Variants in CACHD1 observed in about 807,000 individuals in gnomAD.
CACHD1 encodes the protein VWFA and cache domain-containing protein 1.
Under a neutral mutation model 138.7 loss-of-function variants are expected in CACHD1, and 71 were observed. That is an observed-to-expected ratio of 0.51 (90% CI 0.42 to 0.62). The LOEUF (loss-of-function observed/expected upper bound fraction) is 0.62. CACHD1 is among the 20% of genes least tolerant of loss of function. The pLI, the probability that CACHD1 is intolerant of heterozygous loss-of-function variation, is 0.00. For synonymous variants in CACHD1, 578 were observed against 591.5 expected, an observed-to-expected ratio of 0.98 and a Z score of 0.33; for missense variants, 1,389 against 1,625.3, an observed-to-expected ratio of 0.85 and a Z score of 2.50.
intron 1 of CACHD1, among the ~76,000 whole-genome samples, chr1:64,472,926 C>G (rs1324937026): frequency 1.3e-5 from 2 of 150,822 alleles, no homozygotes; most frequent in Non-Finnish European, 3.0e-5. Context: ...AGCCATTTTA[C>G]TGTTTCTCAC....
intron 2 of CACHD1, among the ~76,000 whole-genome samples, chr1:64,555,507 C>G (rs1646790742): frequency 6.6e-6 from 1 of 152,180 alleles, no homozygotes; most frequent in African/African-American, 2.4e-5. Context: ...GCAACCTCCG[C>G]CTCCTGGGTT....
chr1:64,675,825 C>G (rs1649966180), intron 20 of CACHD1, 72 bp from the exon 21 acceptor site: 1 of 1,013,288 alleles, frequency 9.9e-7, no homozygotes, highest in African/African-American at 1.6e-5. Context: ...CATTATTTTG[C>G]TTCCCCAGCA....
chr1:64,483,864 T>TCCC (rs11297820), intron 1 of CACHD1, among the ~76,000 whole-genome samples: 2 of 130,536 alleles, frequency 1.5e-5, no homozygotes, highest in African/African-American at 6.5e-5. Flanking sequence ...TCTTTTACCT[T>TCCC]CCCCCCCCCC....
chr1:64,612,331 A>C (rs1051019899), intron 4 of CACHD1, among the ~76,000 whole-genome samples: 9 of 152,184 alleles, frequency 5.9e-5, no homozygotes, highest in African/African-American at 1.7e-4. Context: ...TACCTTTTCT[A>C]TCATACTGTG....
At chr1:64,545,400 C>T (rs921893247) in intron 1 of CACHD1, among the ~76,000 whole-genome samples, 14 of 152,150 alleles carry the variant, frequency 9.2e-5, no homozygotes, top group Non-Finnish European at 1.6e-4. Context: ...AACCACTATC[C>T]TGACTTTTAA....
At chr1:64,639,763 T>A (rs1290697544) in intron 7 of CACHD1, among the ~76,000 whole-genome samples, 2 of 152,254 alleles carry the variant, frequency 1.3e-5, no homozygotes, top group Non-Finnish European at 2.9e-5. Context: ...GCTATATTCA[T>A]TAACTATTGC....
chr1:64,626,480 G>A lies in CACHD1; in HGVS notation c.518-2875G>A, dbSNP rs72914244. On this transcript the variant is annotated intron_variant, in intron 4 of 26. Coordinates refer to ENST00000651257, the MANE Select transcript of CACHD1 (RefSeq NM_020925.4). ...AAGGAGTTGAATATATTGTCACTCC[G>A]CACTCTACATCATATGTAGATGGCA... Among the ~76,000 whole-genome samples, 714 of 152,232 alleles carry A rather than the reference G, an allele frequency of 4.7e-3. 3 individuals carry two copies. Among genetic ancestry groups the A allele is most frequent in the South Asian group, 7.7e-3 (37 of 4,826 alleles).
intron 5 of CACHD1, among the ~76,000 whole-genome samples, chr1:64,629,807 A>G (rs528664689): frequency 1.3e-5 from 2 of 152,282 alleles, no homozygotes; most frequent in Admixed American, 1.3e-4. Flanking sequence ...TACCTTATCT[A>G]TAGTGCAGCC....
At chr1:64,599,916 T>C (rs1647196638) in intron 3 of CACHD1, among the ~76,000 whole-genome samples, 1 of 152,146 alleles carries the variant, frequency 6.6e-6, no homozygotes, top group Non-Finnish European at 1.5e-5. Context: ...TCTCCAGGTT[T>C]ATACATTTCC....
intron 4 of CACHD1, among the ~76,000 whole-genome samples, chr1:64,625,027 T>C (rs1648047032): frequency 6.6e-6 from 1 of 152,208 alleles, no homozygotes; most frequent in Non-Finnish European, 1.5e-5. Context: ...CAGATTTGGG[T>C]CATTATGACA....
At chr1:64,675,362 T>C in intron 19 of CACHD1, 39 bp from the exon 20 acceptor site, 1 of 1,510,800 alleles carries the variant, frequency 6.6e-7, no homozygotes, top group Non-Finnish European at 9.0e-7. Flanking sequence ...AGTCTTTGCA[T>C]TGCTGTCTGT....
chr1:64,546,370 T>C (rs1646718412), intron 1 of CACHD1, among the ~76,000 whole-genome samples: 1 of 152,028 alleles, frequency 6.6e-6, no homozygotes, highest in South Asian at 2.1e-4. Flanking sequence ...GGTCTGATTC[T>C]GTTAGCCAGG....
chr1:64,584,722 CT>C (rs1288230251), intron 3 of CACHD1, among the ~76,000 whole-genome samples: 1 of 152,170 alleles, frequency 6.6e-6, no homozygotes, highest in Non-Finnish European at 1.5e-5. Flanking sequence ...TTTATTACCC[CT>C]AGCACCTGGC....
rs1440765289 is a variant in CACHD1, at chr1:64,645,627, G to A, written c.1157-2174G>A. Among the ~76,000 whole-genome samples the A allele has an allele frequency of 2.0e-5, 3 of 152,160 alleles. No homozygotes were observed. The East Asian group carries it at 5.8e-4, about 29-fold the overall frequency. ...TTTAGTAACCAGGTTGGGGCCTGCTGGGAAGTCTAGAAGCTAGGAACATGG... is the reference window on the plus strand; with the variant it reads ...TTTAGTAACCAGGTTGGGGCCTGCTAGGAAGTCTAGAAGCTAGGAACATGG... On this transcript the variant is annotated intron_variant, in intron 8 of 26. Transcript: ENST00000651257.
intron 1 of CACHD1, among the ~76,000 whole-genome samples, chr1:64,513,297 C>A (rs1400397172): frequency 1.3e-5 from 2 of 152,168 alleles, no homozygotes; most frequent in African/African-American, 2.4e-5. Context: ...CTGTGACAAT[C>A]AAAAATGTCA....
chr1:64,624,045 G>A (rs1648011768), intron 4 of CACHD1, among the ~76,000 whole-genome samples: 1 of 152,198 alleles, frequency 6.6e-6, no homozygotes, highest in South Asian at 2.1e-4. Context: ...GGATAATAAG[G>A]CTCTCATTCA....
chr1:64,647,377 G>A (rs760981412), intron 8 of CACHD1, among the ~76,000 whole-genome samples: 24 of 152,162 alleles, frequency 1.6e-4, no homozygotes, highest in Non-Finnish European at 2.4e-4. Context: ...AGGAATGAAA[G>A]GATCACCCTC....
rs763018095 is a variant in CACHD1, at chr1:64,681,241, T to A, written c.3407-17T>A. Reference sequence around the variant, plus strand: ...TTGATTAAATAGTCATGTTTCTCTCTTTTTAATGATGGGTAGAAATGTCAG... The same window carrying A: ...TTGATTAAATAGTCATGTTTCTCTCATTTTAATGATGGGTAGAAATGTCAG... On this transcript the variant is annotated splice_polypyrimidine_tract_variant and intron_variant, in intron 24 of 26. Coordinates refer to ENST00000651257, the MANE Select transcript of CACHD1 (RefSeq NM_020925.4). The A allele has an allele frequency of 6.2e-7, 1 of 1,604,972 alleles. No homozygotes were observed. Among genetic ancestry groups the A allele is most frequent in the Non-Finnish European group, 8.5e-7 (1 of 1,171,802 alleles).
intron 1 of CACHD1, among the ~76,000 whole-genome samples, chr1:64,473,967 T>C (rs1006551711): frequency 3.9e-5 from 6 of 152,246 alleles, no homozygotes; most frequent in South Asian, 2.1e-4. Flanking sequence ...TCGCACTTGC[T>C]GATAGAGAAG....
Sources: allele counts gnomAD v4.1 joint callset (sites outside exome capture counted in the v4.1 genomes callset), GRCh38; gene constraint gnomAD v4.1.1; transcripts MANE v1.5; gene names NCBI Gene and HGNC (gene_info 2026-07-23, HGNC 2026-07-21).